Variants in BCR observed in about 807,000 individuals in gnomAD.
BCR encodes the protein BCR activator of RhoGEF and GTPase, also known as breakpoint cluster region protein.
Under a neutral mutation model 138.6 loss-of-function variants are expected in BCR, and 58 were observed. That is an observed-to-expected ratio of 0.42 (90% CI 0.34 to 0.52). The LOEUF (loss-of-function observed/expected upper bound fraction) is 0.52. BCR is among the 20% of genes least tolerant of loss of function. BCR has a pLI of 0.06. For missense variants in BCR, 1,599 were observed against 1,727.2 expected (o/e 0.93, Z 1.32); for synonymous variants, 786 against 730.1 (o/e 1.08, Z -1.23).
At chr22:23,258,281 T>C (rs1390385009) in intron 2 of BCR, among the ~76,000 whole-genome samples, 1 of 151,832 alleles carries the variant, frequency 6.6e-6, no homozygotes, top group Admixed American at 6.6e-5. Context: ...TTTTAGATGG[T>C]CCCAGTGGGC....
chr22:23,298,226 G>A (rs536402988), intron 16 of BCR, among the ~76,000 whole-genome samples: 16 of 152,280 alleles, frequency 1.1e-4, no homozygotes, highest in South Asian at 4.1e-4. Context: ...AAACCGACCC[G>A]ACAGGATTCT....
At chr22:23,195,761 G>A (rs183466386) in intron 1 of BCR, among the ~76,000 whole-genome samples, 1,803 of 152,088 alleles carry the variant, frequency 0.012, 31 homozygotes, top group African/African-American at 0.041. Context: ...TGTGGCAGGC[G>A]CCTGTAATCC....
chr22:23,280,080 A>G (rs550208758), intron 8 of BCR, among the ~76,000 whole-genome samples: 20 of 152,114 alleles, frequency 1.3e-4, no homozygotes, highest in Non-Finnish European at 2.4e-4. Flanking sequence ...ATCTACACCT[A>G]CTCACCTCGC....
chr22:23,228,347 G>A (rs1204449040), intron 1 of BCR, among the ~76,000 whole-genome samples: 1 of 151,988 alleles, frequency 6.6e-6, no homozygotes, highest in Non-Finnish European at 1.5e-5. Flanking sequence ...TTTCATCTGT[G>A]GATCATTTAG....
At chr22:23,195,454 TG>T (rs1000997361) in intron 1 of BCR, among the ~76,000 whole-genome samples, 49 of 146,460 alleles carry the variant, frequency 3.3e-4, no homozygotes, top group African/African-American at 1.1e-3. Flanking sequence ...CAGCTGGGCA[TG>T]TTGGTGCACG....
Position 23,272,795 on chromosome 22 carries a change from C to G in BCR, c.1922-286C>G, listed in dbSNP as rs530856666. 4.6e-5 allele frequency among the ~76,000 whole-genome samples: 7 copies of G among 152,280 alleles called. No homozygotes were observed. The East Asian group carries it at 1.2e-3, about 25-fold the overall frequency. ...CTTGCCAGGGTGGGTTCCCTGACCTCAGGCTAGAGGAGCAGCAGTGCTGAG... is the reference window on the plus strand; with the variant it reads ...CTTGCCAGGGTGGGTTCCCTGACCTGAGGCTAGAGGAGCAGCAGTGCTGAG... On this transcript the variant is annotated intron_variant, in intron 6 of 22. Transcript: ENST00000305877.
rs2146248550 is a variant in BCR, at chr22:23,235,549, TGTG to T, written c.1280-18248_1280-18246del. ...CAGGCCCATGTGTTCCACGGCATAA[TGTG>T]GGGACTGCAGAGAGGAAGGGACATG... On this transcript the variant is annotated intron_variant, in intron 1 of 22. Transcript: ENST00000305877. 1.8e-5 allele frequency among the ~76,000 whole-genome samples: 2 copies of T among 108,244 alleles called. 1 individual carries two copies. Among genetic ancestry groups the T allele is most frequent in the South Asian group, 6.6e-4 (2 of 3,020 alleles). 71.0% of individuals were successfully genotyped at this position (108,244 alleles called of 152,430 possible).
At chr22:23,271,252 T>C (rs890850430) in intron 5 of BCR, among the ~76,000 whole-genome samples, 2 of 152,222 alleles carry the variant, frequency 1.3e-5, no homozygotes, top group Non-Finnish European at 1.5e-5. Flanking sequence ...CTCAGCACCC[T>C]AAGGTGCCCA....
chr22:23,219,297 C>T lies in BCR; in HGVS notation c.1280-34502C>T, dbSNP rs979003625. ...TGCCCACCAAAGACACTTGAATGGG[C>T]GGCTGGCATTTTCAAGCTCTGTTCC... On this transcript the variant is annotated intron_variant, in intron 1 of 22. Coordinates refer to ENST00000305877, the MANE Select transcript of BCR (RefSeq NM_004327.4). Among the ~76,000 whole-genome samples, 5 of 152,124 alleles carry T rather than the reference C, an allele frequency of 3.3e-5. 1 individual carries two copies. The highest frequency in any genetic ancestry group is 1.9e-4 in the East Asian group (1 of 5,194).
chr22:23,289,494 G>A (rs1256241598), intron 12 of BCR, 23 bp from the exon 13 acceptor site: 7 of 1,595,400 alleles, frequency 4.4e-6, no homozygotes, highest in African/African-American at 2.7e-5. Flanking sequence ...ACCAATTGGT[G>A]CACCTCTTTT....
intron 1 of BCR, among the ~76,000 whole-genome samples, chr22:23,214,857 A>G (rs1454055064): frequency 6.6e-6 from 1 of 152,220 alleles, no homozygotes; most frequent in East Asian, 1.9e-4. Flanking sequence ...GCCATTTTTA[A>G]GCATACGATC....
intron 6 of BCR, among the ~76,000 whole-genome samples, chr22:23,272,377 G>C (rs1296212762): frequency 6.6e-6 from 1 of 152,220 alleles, no homozygotes; most frequent in East Asian, 1.9e-4. Flanking sequence ...AGCGATGAGT[G>C]CCTTATGCTG....
At chr22:23,313,453 T>C (rs535732352) in intron 20 of BCR, among the ~76,000 whole-genome samples, 160 of 152,346 alleles carry the variant, frequency 1.1e-3, no homozygotes, top group African/African-American at 2.3e-3. Flanking sequence ...CTGTGGCCTC[T>C]GCATCACCCT....
rs576812857 is a variant in BCR at position 23,219,607 on chromosome 22, G to A, written c.1280-34192G>A. 2.0e-5 allele frequency among the ~76,000 whole-genome samples: 3 copies of A among 152,362 alleles called. No homozygotes were observed. The East Asian group carries it at 5.8e-4, about 29-fold the overall frequency. On this transcript the variant is annotated intron_variant, in intron 1 of 22. Coordinates refer to ENST00000305877, the MANE Select transcript of BCR (RefSeq NM_004327.4). ...CAAGGTCACGCATCTCAGGCAGGCA[G>A]GTGTGCAGGACCCTCCACGCTCGTG...
rs4437065 is a variant in BCR, at chr22:23,261,461, A to G, written c.1673A>G (p.Lys558Arg). The change falls in exon 4 of 23, where the codon AAG becomes AGG. Residue 558 changes from lysine to arginine, a missense_variant. By Grantham distance (26) the Lys-to-Arg change is conservative (BLOSUM62 2). Around this residue, in one of 4 missense-constraint regions of BCR, gnomAD observed 590 missense variants for 762.4 expected, o/e 0.77. Transcript: ENST00000305877. Reference protein sequence around the residue: ...FKVPELYEIHKEFYDGLFPRV... With the variant: ...FKVPELYEIHREFYDGLFPRV... ...GTGCCTGAGCTCTACGAGATCCACA[A>G]GGAGTTCTATGATGGGCTCTTCCCC... 6.2e-6 allele frequency: 10 copies of G among 1,613,626 alleles called. No individual in the cohort carries two copies. The highest frequency in any genetic ancestry group is 8.5e-6 in the Non-Finnish European group (10 of 1,179,986).
intron 16 of BCR, among the ~76,000 whole-genome samples, chr22:23,305,142 G>C (rs2073943669): frequency 6.7e-6 from 1 of 150,064 alleles, no homozygotes; most frequent in African/African-American, 2.4e-5. Context: ...GTGCAGGATG[G>C]ATCTCAGGAG....
In BCR at chr22:23,315,772, T is replaced by G; in HGVS notation, c.*250T>G. 2 of 597,622 alleles carry G rather than the reference T, an allele frequency of 3.3e-6. No homozygotes were observed. The highest frequency in any genetic ancestry group is 4.5e-4 in the Middle Eastern group (1 of 2,234). The allele number at this position is 597,622 out of a possible 1,614,324, so 37.0% of individuals were successfully genotyped here. ...CCACCTGAGGGCGCCCCAAGCCAGT[T>G]CATCTCGGAGTCCAGGCCTGGCCCT... On this transcript the variant is annotated 3_prime_UTR_variant, in exon 23 of 23. Coordinates refer to ENST00000305877, the MANE Select transcript of BCR (RefSeq NM_004327.4).
intron 5 of BCR, among the ~76,000 whole-genome samples, chr22:23,270,354 A>T (rs767223495): frequency 2.6e-5 from 4 of 152,200 alleles, no homozygotes; most frequent in Non-Finnish European, 5.9e-5. Flanking sequence ...AGTTTGGGAA[A>T]TGCAGGGTTA....
Position 23,181,767 on chromosome 22 carries a change from C to T in BCR, c.807C>T (p.Pro269=), listed in dbSNP as rs773159451. 1.9e-6 allele frequency: 3 copies of T among 1,606,286 alleles called. No homozygotes were observed. The highest frequency in any genetic ancestry group is 2.5e-6 in the Non-Finnish European group (3 of 1,179,984). ...NLIDANGGSR[P]PWPPLEYQPY... is the part of the protein sequence containing the mutation. ...TCGACGCCAATGGCGGTAGCAGGCC[C>T]CCTTGGCCGCCCCTGGAGTACCAGC... Residue 269 remains proline, a synonymous_variant, in exon 1 of 23, where the codon CCC becomes CCT. Coordinates refer to ENST00000305877, the MANE Select transcript of BCR (RefSeq NM_004327.4).
Sources: gnomAD v4.1 joint callset for allele counts (sites outside exome capture counted in the v4.1 genomes callset) on GRCh38, gnomAD v4.1.1 for gene constraint, gnomAD v4.1.1 regional missense constraint, MANE v1.5 for transcripts, NCBI Gene and HGNC (gene_info 2026-07-23, HGNC 2026-07-21) for gene names.